The following MAGI2 variants were observed in gnomAD, a reference collection of about 807,000 sequenced individuals.
MAGI2 encodes the protein membrane-associated guanylate kinase, WW and PDZ domain-containing protein 2.
In MAGI2, 35 loss-of-function variants were observed where a neutral mutation model predicts 133.3. That is an observed-to-expected ratio of 0.26 (90% confidence interval 0.20 to 0.35). The LOEUF (loss-of-function observed/expected upper bound fraction) is 0.35, where lower values mean the gene tolerates loss of function less well. MAGI2 is among the 10% of genes least tolerant of loss of function. The probability of loss-of-function intolerance (pLI) is 1.00; values close to 1 mark genes in which losing one functional copy is unlikely to be tolerated. For missense variants in MAGI2, 1,636 were observed against 1,863.4 expected, an observed-to-expected ratio of 0.88 and a Z score of 2.25; for synonymous variants, 729 against 710.6, an observed-to-expected ratio of 1.03 and a Z score of -0.41.
intron 6 of MAGI2, among the ~76,000 whole-genome samples, chr7:78,436,298 A>T (rs945336871): frequency 2.0e-5 from 3 of 152,062 alleles, no homozygotes; most frequent in Non-Finnish European, 2.9e-5. Flanking sequence ...AGGAGCAATG[A>T]AGTGAAAACC....
At chr7:78,492,854 A>G (rs764432282) in intron 5 of MAGI2, among the ~76,000 whole-genome samples, 16 of 152,208 alleles carry the variant, frequency 1.1e-4, no homozygotes, top group Non-Finnish European at 2.1e-4. Flanking sequence ...ACATTTGCAC[A>G]TAAACTTTTC....
At chr7:78,903,688 A>T (rs1451282731) in intron 2 of MAGI2, among the ~76,000 whole-genome samples, 1 of 152,148 alleles carries the variant, frequency 6.6e-6, no homozygotes, top group East Asian at 1.9e-4. Context: ...ACATTTTGAC[A>T]TACAGAATTT....
chr7:78,164,264 A>C (rs1404085445), intron 15 of MAGI2, among the ~76,000 whole-genome samples: 1 of 151,934 alleles, frequency 6.6e-6, no homozygotes, highest in Non-Finnish European at 1.5e-5. Context: ...GTCTCTTCTC[A>C]GGACTGTCTT....
intron 20 of MAGI2, among the ~76,000 whole-genome samples, chr7:78,124,861 C>CTTTTTTTTTT: frequency 7.3e-6 from 1 of 137,430 alleles, no homozygotes; most frequent in Non-Finnish European, 1.6e-5. Context: ...TAGCTGCTGT[C>CTTTTTTTTTT]TTTTTTTTTT....
chr7:78,347,851 C>A (rs115813503), intron 7 of MAGI2, among the ~76,000 whole-genome samples: 65 of 152,244 alleles, frequency 4.3e-4, no homozygotes, highest in African/African-American at 1.5e-3. Context: ...CTCTTGTTCA[C>A]CAAGGCCTTG....
At chr7:78,832,007 C>G (rs530653171) in intron 2 of MAGI2, among the ~76,000 whole-genome samples, 8 of 152,190 alleles carry the variant, frequency 5.3e-5, no homozygotes, top group African/African-American at 1.9e-4. Context: ...AAGAGCGAAT[C>G]AGTGTGTCAA....
Position 79,366,778 on chromosome 7 carries a change from T to C in MAGI2, c.301+86242A>G, listed in dbSNP as rs138340169. On this transcript the variant is annotated intron_variant, in intron 1 of 21. Transcript: ENST00000354212. ...ATCCTATTAAATTCCAGATTCACTA[T>C]TAGTGTCCTTTTCTGTCCTATAACT... 8.5e-3 allele frequency among the ~76,000 whole-genome samples: 1,297 copies of C among 152,292 alleles called. 13 individuals carry two copies. The highest frequency in any genetic ancestry group is 0.03 in the African/African-American group (1,245 of 41,554).
At chr7:78,251,350 A>G (rs1343100340) in intron 10 of MAGI2, 2 of 152,204 alleles carry the variant, frequency 1.3e-5, no homozygotes, top group South Asian at 2.1e-4. Flanking sequence ...CTTGCACTCA[A>G]TATTATTCTG....
At chr7:78,308,584 T>C (rs1257214428) in intron 9 of MAGI2, among the ~76,000 whole-genome samples, 1 of 152,004 alleles carries the variant, frequency 6.6e-6, no homozygotes, top group Non-Finnish European at 1.5e-5. Context: ...TCTGCTTCTC[T>C]ACACCCCATT....
chr7:78,730,287 T>A (rs1426531709), intron 2 of MAGI2, among the ~76,000 whole-genome samples: 2 of 152,088 alleles, frequency 1.3e-5, no homozygotes, highest in African/African-American at 2.4e-5. Context: ...TTCTCTCTGT[T>A]ATGACTTCTT....
chr7:78,513,664 T>C (rs67497467), intron 4 of MAGI2, among the ~76,000 whole-genome samples: 1 of 151,954 alleles, frequency 6.6e-6, no homozygotes, highest in African/African-American at 2.4e-5. Flanking sequence ...GAGGTGCTAC[T>C]CTGGTTGTCC....
chr7:78,943,679 C>T (rs1801169804), intron 2 of MAGI2, among the ~76,000 whole-genome samples: 2 of 152,022 alleles, frequency 1.3e-5, no homozygotes, highest in African/African-American at 4.8e-5. Flanking sequence ...AAAAAGGTAT[C>T]CAATTTTCCT....
At chr7:78,491,875 GTGT>G (rs1793645580) in intron 5 of MAGI2, among the ~76,000 whole-genome samples, 1 of 15,408 alleles carries the variant, frequency 6.5e-5, no homozygotes, top group African/African-American at 1.1e-3. Flanking sequence ...TTCAAATTGT[GTGT>G]GTGTGTGTGT....
chr7:78,048,693 T>C (rs1279018617), intron 21 of MAGI2, among the ~76,000 whole-genome samples: 2 of 152,232 alleles, frequency 1.3e-5, no homozygotes, highest in African/African-American at 4.8e-5. Flanking sequence ...GGAAGTGGTT[T>C]GTCCCAGGGC....
At chr7:78,197,211 C>T (rs547858598) in intron 11 of MAGI2, among the ~76,000 whole-genome samples, 1 of 152,166 alleles carries the variant, frequency 6.6e-6, no homozygotes, top group Non-Finnish European at 1.5e-5. Flanking sequence ...TGTGGAAGGC[C>T]ACATTTGTGG....
intron 8 of MAGI2, among the ~76,000 whole-genome samples, chr7:78,344,930 T>C (rs1359415183): frequency 6.6e-6 from 1 of 152,228 alleles, no homozygotes; most frequent in East Asian, 1.9e-4. Flanking sequence ...CACAGATAAA[T>C]ATTTTATATG....
intron 5 of MAGI2, among the ~76,000 whole-genome samples, chr7:78,494,030 G>A (rs1383406889): frequency 1.3e-5 from 2 of 151,850 alleles, no homozygotes; most frequent in African/African-American, 2.4e-5. Flanking sequence ...AGGCAGGAGT[G>A]CAATGGCATG....
intron 2 of MAGI2, among the ~76,000 whole-genome samples, chr7:78,818,947 A>T (rs2151423085): frequency 6.6e-6 from 1 of 152,280 alleles, no homozygotes; most frequent in South Asian, 2.1e-4. Flanking sequence ...TTCAGAATAC[A>T]TAGAAAAATA....
chr7:78,987,837 C>A (rs541303961), intron 2 of MAGI2, among the ~76,000 whole-genome samples: 2 of 151,388 alleles, frequency 1.3e-5, no homozygotes, highest in Non-Finnish European at 3.0e-5. Flanking sequence ...TTTTTATACA[C>A]ACACACACAC....
Sources: gnomAD v4.1 joint callset for allele counts (sites outside exome capture counted in the v4.1 genomes callset) on GRCh38, gnomAD v4.1.1 for gene constraint, MANE v1.5 for transcripts, NCBI Gene and HGNC (gene_info 2026-07-23, HGNC 2026-07-21) for gene names.